UMAD1: variants seen among roughly 807,000 people sequenced by gnomAD.
UMAD1 encodes the protein UBAP1-MVB12-associated (UMA) domain containing 1, also known as UBAP1-MVB12-associated (UMA)-domain containing protein 1.
UMAD1 carries 8 observed loss-of-function variants against 6.1 expected under a neutral mutation model. That is an observed-to-expected ratio of 1.30 (90% CI 0.76 to 2.35). UMAD1 has a LOEUF of 2.35. Among genes scored for constraint, UMAD1 ranks in the 30% most tolerant of loss-of-function variants. The pLI, the probability that UMAD1 is intolerant of heterozygous loss-of-function variation, is 0.00. For missense variants in UMAD1, 130 were observed against 78.4 expected, an observed-to-expected ratio of 1.66 and a Z score of -2.49; for synonymous variants, 56 against 31.4, an observed-to-expected ratio of 1.78 and a Z score of -2.61.
intron 2 of UMAD1, among the ~76,000 whole-genome samples, chr7:7,722,437 G>A (rs924967668): frequency 3.3e-5 from 5 of 152,082 alleles, no homozygotes; most frequent in African/African-American, 1.2e-4. Flanking sequence ...AGACAGTTAT[G>A]CAAAATAAAT....
At chr7:7,666,953 G>A (rs1019273712) in intron 1 of UMAD1, among the ~76,000 whole-genome samples, 3 of 152,066 alleles carry the variant, frequency 2.0e-5, no homozygotes, top group Non-Finnish European at 4.4e-5. Flanking sequence ...GATTGCAGGC[G>A]TGCGCCACCA....
At chr7:7,683,813 G>A (rs1207079032) in intron 2 of UMAD1, among the ~76,000 whole-genome samples, 1 of 152,114 alleles carries the variant, frequency 6.6e-6, no homozygotes, top group African/African-American at 2.4e-5. Context: ...GATAGAGACA[G>A]GGTTTCACCA....
intron 2 of UMAD1, among the ~76,000 whole-genome samples, chr7:7,799,811 T>C (rs1414752292): frequency 6.6e-6 from 1 of 152,334 alleles, no homozygotes; most frequent in African/African-American, 2.4e-5. Context: ...GGATTTCTTT[T>C]GCCTCACAAA....
At chr7:7,764,481 A>G (rs959143513) in intron 2 of UMAD1, among the ~76,000 whole-genome samples, 6 of 152,236 alleles carry the variant, frequency 3.9e-5, no homozygotes, top group African/African-American at 1.4e-4. Context: ...GTTTAGATGA[A>G]GCTGAGACTG....
chr7:7,879,119 A>G lies in UMAD1; in HGVS notation c.*1581A>G, dbSNP rs1012000246. ...CATTTCATCTATATTTGTGCCTACC[A>G]TGTTATAAATGTTCATAAGTACCTT... is the stretch of plus-strand genomic sequence containing the variant. On this transcript the variant is annotated 3_prime_UTR_variant, in exon 4 of 4. Coordinates refer to ENST00000682710, the MANE Select transcript of UMAD1 (RefSeq NM_001302348.2). 51 of 152,288 alleles carry G rather than the reference A, an allele frequency of 3.3e-4. No individual in the cohort carries two copies. Among genetic ancestry groups the G allele is most frequent in the African/African-American group, 1.2e-3 (50 of 41,572 alleles). The allele number at this position is 152,288 out of a possible 1,614,324, so 9.4% of individuals were successfully genotyped here.
chr7:7,681,234 T>C (rs1779904811), intron 2 of UMAD1, among the ~76,000 whole-genome samples: 1 of 152,148 alleles, frequency 6.6e-6, no homozygotes, highest in South Asian at 2.1e-4. Flanking sequence ...ATTATCTATT[T>C]TTTTCCACTT....
chr7:7,773,652 T>C (rs1189961213), intron 2 of UMAD1, among the ~76,000 whole-genome samples: 1 of 152,220 alleles, frequency 6.6e-6, no homozygotes, highest in Admixed American at 6.5e-5. Context: ...TTTATAACTT[T>C]TTATACAGAT....
chr7:7,718,751 T>C (rs73676906), intron 2 of UMAD1: 272 of 152,310 alleles, frequency 1.8e-3, no homozygotes, highest in African/African-American at 6.1e-3. Context: ...AAGACCTGCA[T>C]GAGATAGGCA....
chr7:7,790,195 C>A (rs1457363965), intron 2 of UMAD1, among the ~76,000 whole-genome samples: 1 of 152,186 alleles, frequency 6.6e-6, no homozygotes. Context: ...TTTCACCAGA[C>A]TTTTCAAGTC....
chr7:7,652,082 G>A lies in UMAD1; in HGVS notation c.-64+11261G>A, dbSNP rs144101629. Among the ~76,000 whole-genome samples, 155 of 152,268 alleles carry A rather than the reference G, an allele frequency of 1.0e-3. 1 individual carries two copies. The highest frequency in any genetic ancestry group is 2.6e-3 in the Admixed American group (39 of 15,288). Reference sequence around the variant, plus strand: ...AGACTTTGGGGTCTCCATGCAGTGGGATGTCTGGCAGTCTTTTTTTCTGGT... The same window carrying A: ...AGACTTTGGGGTCTCCATGCAGTGGAATGTCTGGCAGTCTTTTTTTCTGGT... On this transcript the variant is annotated intron_variant, in intron 1 of 3. Transcript: ENST00000682710.
At chr7:7,834,457 G>A (rs1197274862) in intron 3 of UMAD1, among the ~76,000 whole-genome samples, 1 of 152,158 alleles carries the variant, frequency 6.6e-6, no homozygotes, top group Non-Finnish European at 1.5e-5. Context: ...TCAGGCTGCT[G>A]TAACAAAATA....
chr7:7,761,567 C>A (rs566424512), intron 2 of UMAD1, among the ~76,000 whole-genome samples: 5 of 152,096 alleles, frequency 3.3e-5, no homozygotes, highest in African/African-American at 1.2e-4. Context: ...GACTTGGTAA[C>A]GGATCACATT....
At chr7:7,875,477 A>G (rs1784399832) in intron 3 of UMAD1, among the ~76,000 whole-genome samples, 1 of 152,242 alleles carries the variant, frequency 6.6e-6, no homozygotes, top group Admixed American at 6.5e-5. Context: ...AGAAGAATCA[A>G]ATAGACACAA....
At chr7:7,677,098 A>G (rs930731807) in intron 2 of UMAD1, among the ~76,000 whole-genome samples, 3 of 152,020 alleles carry the variant, frequency 2.0e-5, no homozygotes, top group African/African-American at 7.2e-5. Context: ...TTTGTTTTAA[A>G]TTTTTTATTT....
At chr7:7,726,769 T>G (rs565470083) in intron 2 of UMAD1, among the ~76,000 whole-genome samples, 1 of 152,258 alleles carries the variant, frequency 6.6e-6, no homozygotes, top group East Asian at 1.9e-4. Context: ...AACTGGAAGT[T>G]AAGATTGCCA....
chr7:7,778,657 C>G (rs1275237247), intron 2 of UMAD1, among the ~76,000 whole-genome samples: 1 of 152,128 alleles, frequency 6.6e-6, no homozygotes, highest in Non-Finnish European at 1.5e-5. Context: ...CTCAAGTGAT[C>G]CTCCTACCTT....
chr7:7,839,754 A>ATGGGGATTGGGGAT (rs1783641947), intron 3 of UMAD1, among the ~76,000 whole-genome samples: 4 of 152,152 alleles, frequency 2.6e-5, no homozygotes, highest in African/African-American at 9.7e-5. Flanking sequence ...GACAAGTTTA[A>ATGGGGATTGGGGAT]TGGGGATTGG....
At chr7:7,750,101 A>G (rs1347091918) in intron 2 of UMAD1, among the ~76,000 whole-genome samples, 3 of 152,184 alleles carry the variant, frequency 2.0e-5, no homozygotes, top group South Asian at 2.1e-4. Flanking sequence ...ATTATGGTCA[A>G]TTGCAATTAT....
At chr7:7,834,243 G>A (rs558470413) in intron 3 of UMAD1, among the ~76,000 whole-genome samples, 8 of 151,444 alleles carry the variant, frequency 5.3e-5, no homozygotes, top group African/African-American at 1.2e-4. Flanking sequence ...GGCTGGTCTC[G>A]AACTCCTGAT....
Sources: allele counts gnomAD v4.1 joint callset (sites outside exome capture counted in the v4.1 genomes callset), GRCh38; gene constraint gnomAD v4.1.1; transcripts MANE v1.5; gene names NCBI Gene and HGNC (gene_info 2026-07-23, HGNC 2026-07-21).